Variants in PCP4L1 observed in about 807,000 individuals in gnomAD.
PCP4L1 encodes the protein Purkinje cell protein 4-like protein 1.
A neutral mutation model predicts 9.6 loss-of-function variants in PCP4L1; 9 were observed. That is an observed-to-expected ratio of 0.94 (90% CI 0.57 to 1.64). PCP4L1 has a LOEUF of 1.64. Ranked by LOEUF, PCP4L1 falls within the 40% of genes most tolerant of loss-of-function variation. PCP4L1 has a pLI of 0.00. For missense variants in PCP4L1, 81 were observed against 80.8 expected, an observed-to-expected ratio of 1.00 and a Z score of -0.01; for synonymous variants, 31 against 28.2, an observed-to-expected ratio of 1.10 and a Z score of -0.31.
intron 1 of PCP4L1, among the ~76,000 whole-genome samples, chr1:161,267,719 G>GTTTTTGT (rs58544294): frequency 6.6e-6 from 1 of 151,800 alleles, no homozygotes; most frequent in Non-Finnish European, 1.5e-5. Flanking sequence ...TTTTGTTTTT[G>GTTTTTGT]TTTTTTTAGA....
chr1:161,281,710 C>T (rs1487835834), intron 1 of PCP4L1, among the ~76,000 whole-genome samples: 119 of 143,624 alleles, frequency 8.3e-4, no homozygotes, highest in African/African-American at 2.8e-3. Context: ...ACTTCTCAGA[C>T]GGGGCGGCCG....
chr1:161,261,770 T>C (rs1439359853), intron 1 of PCP4L1, among the ~76,000 whole-genome samples: 1 of 152,224 alleles, frequency 6.6e-6, no homozygotes, highest in Non-Finnish European at 1.5e-5. Flanking sequence ...ATGGTGTCTG[T>C]CCTGTGTTTT....
chr1:161,284,826 TCA>T lies in PCP4L1; in HGVS notation c.*346_*347del. The stretch of plus-strand genomic sequence containing the variant: ...CAATGTGGGAAGGAGGGGAAGGCTT[TCA>T]GAGTAGGGTGCCTGAGGGTGGGACA... On this transcript the variant is annotated 3_prime_UTR_variant, in exon 3 of 3. Transcript: ENST00000504449. 1 of 282,280 alleles carries T rather than the reference TCA, an allele frequency of 3.5e-6. No homozygotes were observed. Among genetic ancestry groups the T allele is most frequent in the Non-Finnish European group, 6.7e-6 (1 of 149,258 alleles). The allele number at this position is 282,280 out of a possible 1,614,324, so 17.5% of individuals were successfully genotyped here.
At chr1:161,270,257 A>G (rs949106578) in intron 1 of PCP4L1, among the ~76,000 whole-genome samples, 8 of 152,092 alleles carry the variant, frequency 5.3e-5, no homozygotes, top group African/African-American at 1.9e-4. Context: ...AGATCATGCC[A>G]CTGTACTCCA....
At chr1:161,279,299 G>A (rs569389356) in intron 1 of PCP4L1, among the ~76,000 whole-genome samples, 1 of 152,288 alleles carries the variant, frequency 6.6e-6, no homozygotes, top group African/African-American at 2.4e-5. Flanking sequence ...GTCACTAACT[G>A]ATGTATTTGT....
chr1:161,262,101 A>G (rs1292179818), intron 1 of PCP4L1, among the ~76,000 whole-genome samples: 1 of 152,116 alleles, frequency 6.6e-6, no homozygotes, highest in African/African-American at 2.4e-5. Flanking sequence ...GTTATATTGG[A>G]TATACAAAAT....
chr1:161,259,333 C>T (rs1669380700), intron 1 of PCP4L1, among the ~76,000 whole-genome samples: 1 of 152,126 alleles, frequency 6.6e-6, no homozygotes, highest in Admixed American at 6.5e-5. Flanking sequence ...CCCCTTACCC[C>T]CCTCACTTCG....
chr1:161,261,389 C>G (rs1395763113), intron 1 of PCP4L1, among the ~76,000 whole-genome samples: 2 of 152,162 alleles, frequency 1.3e-5, no homozygotes, highest in African/African-American at 4.8e-5. Context: ...CTCATTACTG[C>G]AGTAGAGCAT....
rs183312174 is a variant in PCP4L1, at chr1:161,265,825, C to T, written c.9+6842C>T. ...ATGATCTCGTCTCACTGCAACCTCACCTCCCGGGTTCAAGCAATTCTCCTG... is the reference window on the plus strand; with the variant it reads ...ATGATCTCGTCTCACTGCAACCTCATCTCCCGGGTTCAAGCAATTCTCCTG... On this transcript the variant is annotated intron_variant, in intron 1 of 2. Transcript: ENST00000504449. Among the ~76,000 whole-genome samples, 214 of 149,274 alleles carry T rather than the reference C, an allele frequency of 1.4e-3. 1 individual carries two copies. The highest frequency in any genetic ancestry group is 2.6e-3 in the Non-Finnish European group (178 of 67,618).
At chr1:161,282,642 T>C (rs1669842711) in intron 1 of PCP4L1, among the ~76,000 whole-genome samples, 1 of 152,170 alleles carries the variant, frequency 6.6e-6, no homozygotes, top group Non-Finnish European at 1.5e-5. Flanking sequence ...AAGCATCTTC[T>C]CTTGGATAAT....
intron 1 of PCP4L1, among the ~76,000 whole-genome samples, chr1:161,273,561 G>A (rs1409834696): frequency 6.6e-6 from 1 of 152,174 alleles, no homozygotes; most frequent in Non-Finnish European, 1.5e-5. Context: ...CATTTGAAAT[G>A]GAAGCCAGTA....
chr1:161,262,059 C>T (rs1484291368), intron 1 of PCP4L1, among the ~76,000 whole-genome samples: 1 of 152,164 alleles, frequency 6.6e-6, no homozygotes, highest in Non-Finnish European at 1.5e-5. Flanking sequence ...ATCCAAGTTT[C>T]TCTCTCTCAT....
At position 161,284,656 on chromosome 1, in the gene PCP4L1, G is replaced by A. The variant is rs1669878732; in HGVS notation, c.*175G>A. On this transcript the variant is annotated 3_prime_UTR_variant, in exon 3 of 3. Transcript: ENST00000504449. ...TCACAGAAGTAGAGGCACAAGAGAG[G>A]TGGAGAAGATGAAGACTTCAATCAG... 7 of 824,080 alleles carry A rather than the reference G, an allele frequency of 8.5e-6. No homozygotes were observed. Among genetic ancestry groups the A allele is most frequent in the Non-Finnish European group, 1.3e-5 (7 of 530,096 alleles). 51.0% of individuals were successfully genotyped at this position (824,080 alleles called of 1,614,324 possible). A position where few individuals can be genotyped will look rare whatever the true frequency, so the allele number is the denominator to read the frequency against.
rs1244422727 is a variant in PCP4L1 at position 161,285,222 on chromosome 1, T to C, written c.*741T>C. The C allele has an allele frequency of 1.3e-5, 2 of 152,364 alleles. No homozygotes were observed. The highest frequency in any genetic ancestry group is 4.8e-5 in the African/African-American group (2 of 41,426). The allele number at this position is 152,364 out of a possible 1,614,324, so 9.4% of individuals were successfully genotyped here. The stretch of plus-strand genomic sequence containing the variant: ...GGAAATCTCTGAATTTTTTTACTGC[T>C]GGGAAAAGTGTACTACATGAAGGAT... On this transcript the variant is annotated 3_prime_UTR_variant, in exon 3 of 3. Coordinates refer to ENST00000504449, the MANE Select transcript of PCP4L1 (RefSeq NM_001102566.2).
At chr1:161,281,253 A>G (rs1441941236) in intron 1 of PCP4L1, among the ~76,000 whole-genome samples, 1 of 151,928 alleles carries the variant, frequency 6.6e-6, no homozygotes, top group Non-Finnish European at 1.5e-5. Flanking sequence ...TTCTACACAG[A>G]CACAGCAACC....
intron 1 of PCP4L1, among the ~76,000 whole-genome samples, chr1:161,265,175 G>T (rs2501879): frequency 6.6e-6 from 1 of 152,042 alleles, no homozygotes; most frequent in South Asian, 2.1e-4. Context: ...CAGCCTCTGG[G>T]TATTCAGTCC....
intron 1 of PCP4L1, among the ~76,000 whole-genome samples, chr1:161,272,482 C>G (rs1006496981): frequency 6.7e-5 from 10 of 149,988 alleles, no homozygotes; most frequent in African/African-American, 2.4e-4. Context: ...TGCTTGAACC[C>G]TGGAGGCGGA....
intron 1 of PCP4L1, among the ~76,000 whole-genome samples, chr1:161,262,924 G>T (rs1444879801): frequency 1.3e-5 from 2 of 152,070 alleles, no homozygotes; most frequent in Non-Finnish European, 2.9e-5. Flanking sequence ...TTATCATAGA[G>T]AAAAATAAAC....
At chr1:161,271,463 G>A (rs749451033) in intron 1 of PCP4L1, among the ~76,000 whole-genome samples, 15 of 152,028 alleles carry the variant, frequency 9.9e-5, no homozygotes, top group Non-Finnish European at 2.1e-4. Context: ...TCAGATATTT[G>A]ATTTGCAAAC....
Sources: allele counts gnomAD v4.1 joint callset (sites outside exome capture counted in the v4.1 genomes callset), GRCh38; gene constraint gnomAD v4.1.1; transcripts MANE v1.5; gene names NCBI Gene and HGNC (gene_info 2026-07-23, HGNC 2026-07-21).